ENPP1: variants seen among roughly 807,000 people sequenced by gnomAD.
ENPP1 encodes the protein ectonucleotide pyrophosphatase/phosphodiesterase 1, also known as ectonucleotide pyrophosphatase/phosphodiesterase family member 1.
A neutral mutation model predicts 122.8 loss-of-function variants in ENPP1; 73 were observed. The observed-to-expected ratio is 0.59, with a 90% confidence interval of 0.49 to 0.72. ENPP1 has a LOEUF of 0.72. Ranked by LOEUF, ENPP1 falls within the 30% of genes least tolerant of loss-of-function variation. The pLI is 0.00. For synonymous variants in ENPP1, 367 were observed against 391.6 expected, an observed-to-expected ratio of 0.94 and a Z score of 0.74; for missense variants, 978 against 1,128.1, an observed-to-expected ratio of 0.87 and a Z score of 1.91.
chr6:131,841,734 A>G (rs530765359), intron 1 of ENPP1, among the ~76,000 whole-genome samples: 4 of 152,346 alleles, frequency 2.6e-5, no homozygotes, highest in East Asian at 1.9e-4. Context: ...CTCACAGTCT[A>G]GTCAGAGACA....
Position 131,876,973 on chromosome 6 carries a change from C to T in ENPP1, c.1724-19C>T, listed in dbSNP as rs765387857. 8 of 1,612,580 alleles carry T rather than the reference C, an allele frequency of 5.0e-6. No individual in the cohort carries two copies. Among genetic ancestry groups the T allele is most frequent in the Non-Finnish European group, 6.8e-6 (8 of 1,178,640 alleles). Reference sequence around the variant, plus strand: ...GATTTGAAACATCTAAGTAACTCTACCATCTTGAAATTATGCAGATTTACT... The same window carrying T: ...GATTTGAAACATCTAAGTAACTCTATCATCTTGAAATTATGCAGATTTACT... On this transcript the variant is annotated intron_variant, in intron 17 of 24. Coordinates refer to ENST00000647893, the MANE Select transcript of ENPP1 (RefSeq NM_006208.3).
chr6:131,858,052 A>C (rs1332242927), intron 6 of ENPP1, among the ~76,000 whole-genome samples: 1 of 152,190 alleles, frequency 6.6e-6, no homozygotes, highest in East Asian at 1.9e-4. Flanking sequence ...TTTTAGGCAA[A>C]TGGAGTATTG....
intron 5 of ENPP1, among the ~76,000 whole-genome samples, chr6:131,854,090 A>C (rs187219330): frequency 6.6e-6 from 1 of 152,232 alleles, no homozygotes; most frequent in East Asian, 1.9e-4. Flanking sequence ...TATCTTTTAA[A>C]TATATTAAGC....
In ENPP1 at chr6:131,893,286, T is replaced by C. The variant is rs965987716; in HGVS notation, c.*2775T>C. ...AAAAAGAACAAGTGACAATTTTCTC[T>C]GTCTTAGGGAGAAGAGACAGCAGAA... is the stretch of plus-strand genomic sequence containing the variant. On this transcript the variant is annotated 3_prime_UTR_variant, in exon 25 of 25. Transcript: ENST00000647893. 1 of 152,264 alleles carries C rather than the reference T, an allele frequency of 6.6e-6. No individual in the cohort carries two copies. Among genetic ancestry groups the C allele is most frequent in the African/African-American group, 2.4e-5 (1 of 41,468 alleles). 9.4% of individuals were successfully genotyped at this position (152,264 alleles called of 1,614,324 possible).
At chr6:131,853,344 C>T (rs560785146) in intron 5 of ENPP1, among the ~76,000 whole-genome samples, 1 of 152,224 alleles carries the variant, frequency 6.6e-6, no homozygotes, top group Non-Finnish European at 1.5e-5. Flanking sequence ...TAGTGAATTT[C>T]AAATCTTTCT....
At chr6:131,818,022 T>A (rs1452433860) in intron 1 of ENPP1, among the ~76,000 whole-genome samples, 1 of 152,134 alleles carries the variant, frequency 6.6e-6, no homozygotes, top group Non-Finnish European at 1.5e-5. Flanking sequence ...GTGAATATTT[T>A]TGAGAAACTA....
intron 2 of ENPP1, among the ~76,000 whole-genome samples, chr6:131,849,491 A>G (rs190636867): frequency 1.1e-3 from 160 of 152,202 alleles, no homozygotes; most frequent in African/African-American, 3.0e-3. Context: ...TTCTGAACAA[A>G]CCCACTACTT....
At chr6:131,860,680 G>A (rs1388034727) in intron 8 of ENPP1, among the ~76,000 whole-genome samples, 174 bp downstream of exon 8, 1 of 152,054 alleles carries the variant, frequency 6.6e-6, no homozygotes, top group Non-Finnish European at 1.5e-5. Context: ...TTGTATAATT[G>A]CGTAAAAGGA....
At position 131,845,043 on chromosome 6, in the gene ENPP1, G is replaced by GTTTTTT. The variant is rs142380855; in HGVS notation, c.241-2709_241-2704dup. 1.5e-3 allele frequency among the ~76,000 whole-genome samples: 127 copies of GTTTTTT among 84,976 alleles called. 7 individuals carry two copies. The highest frequency in any genetic ancestry group is 8.8e-3 in the Middle Eastern group (1 of 114). The allele number at this position is 84,976 out of a possible 152,430, so 55.7% of individuals were successfully genotyped here. ...ATAAATACAATTTCAATTCTTCATG[G>GTTTTTT]TTTTTTTTTTTTTTTTTTTTTTTTT... On this transcript the variant is annotated intron_variant, in intron 1 of 24. Coordinates refer to ENST00000647893, the MANE Select transcript of ENPP1 (RefSeq NM_006208.3).
intron 1 of ENPP1, among the ~76,000 whole-genome samples, chr6:131,812,383 T>C (rs1346741550): frequency 6.6e-6 from 1 of 152,242 alleles, no homozygotes; most frequent in Non-Finnish European, 1.5e-5. Context: ...TAGCCTGATA[T>C]TGGCCCTTCT....
intron 1 of ENPP1, among the ~76,000 whole-genome samples, chr6:131,846,926 G>A (rs770121460): frequency 1.8e-4 from 27 of 152,210 alleles, no homozygotes; most frequent in Non-Finnish European, 4.0e-4. Flanking sequence ...TCAAAGACCA[G>A]AAGAGTGGAG....
rs1782500541 is a variant in ENPP1, at chr6:131,893,587, C to G, written c.*3076C>G. The G allele has an allele frequency of 6.6e-6, 1 of 152,224 alleles. No homozygotes were observed. The highest frequency in any genetic ancestry group is 1.5e-5 in the Non-Finnish European group (1 of 68,040). The allele number at this position is 152,224 out of a possible 1,614,324, so 9.4% of individuals were successfully genotyped here. A position where few individuals can be genotyped will look rare whatever the true frequency, so the allele number is the denominator to read the frequency against. ...ACTGTGACCAACTTATGTACACATA[C>G]TTTTTCTTGCTTAGTTATAATAATC... On this transcript the variant is annotated 3_prime_UTR_variant, in exon 25 of 25. Transcript: ENST00000647893.
At chr6:131,873,330 G>A (rs529048130) in intron 15 of ENPP1, among the ~76,000 whole-genome samples, 8 of 152,058 alleles carry the variant, frequency 5.3e-5, no homozygotes, top group Non-Finnish European at 8.8e-5. Context: ...AACCAAAAAT[G>A]TCCGTCAGCG....
In ENPP1 at chr6:131,885,079, A is replaced by G; in HGVS notation, c.2444+16A>G. 6.2e-7 allele frequency: 1 copy of G among 1,612,958 alleles called. No homozygotes were observed. Among genetic ancestry groups the G allele is most frequent in the Non-Finnish European group, 8.5e-7 (1 of 1,179,040 alleles). ...ATCTGAGGCAGTAAGAACATATTTCATTACTCTTAAAAATAGGAATTACCA... is the reference window on the plus strand; with the variant it reads ...ATCTGAGGCAGTAAGAACATATTTCGTTACTCTTAAAAATAGGAATTACCA... On this transcript the variant is annotated intron_variant, in intron 23 of 24. Transcript: ENST00000647893.
chr6:131,859,751 A>C (rs186353963), intron 7 of ENPP1, among the ~76,000 whole-genome samples: 1 of 152,282 alleles, frequency 6.6e-6, no homozygotes, highest in Admixed American at 6.5e-5. Context: ...TAGCGAGTAG[A>C]GGGCGGTGGT....
At chr6:131,847,546 T>C (rs1195744428) in intron 1 of ENPP1, among the ~76,000 whole-genome samples, 1 of 152,100 alleles carries the variant, frequency 6.6e-6, no homozygotes, top group Non-Finnish European at 1.5e-5. Flanking sequence ...AAAAGGATTT[T>C]AAAACTATAT....
intron 24 of ENPP1, among the ~76,000 whole-genome samples, chr6:131,888,629 C>T (rs185999100): frequency 1.3e-5 from 2 of 152,160 alleles, no homozygotes; most frequent in Admixed American, 1.3e-4. Flanking sequence ...TTCAGAATTA[C>T]TTGTTCCTAT....
At chr6:131,821,806 C>G (rs1451543648) in intron 1 of ENPP1, among the ~76,000 whole-genome samples, 1 of 152,206 alleles carries the variant, frequency 6.6e-6, no homozygotes, top group African/African-American at 2.4e-5. Context: ...GCAGTCCCCT[C>G]TCAACAATCA....
intron 9 of ENPP1, among the ~76,000 whole-genome samples, chr6:131,861,931 A>C (rs1402151449): frequency 6.6e-6 from 1 of 152,120 alleles, no homozygotes; most frequent in African/African-American, 2.4e-5. Flanking sequence ...GCACTTTGGG[A>C]GGCTGAGGCG....
Sources: allele counts gnomAD v4.1 joint callset (sites outside exome capture counted in the v4.1 genomes callset), GRCh38; gene constraint gnomAD v4.1.1; transcripts MANE v1.5; gene names NCBI Gene and HGNC (gene_info 2026-07-23, HGNC 2026-07-21).